Variants in CCDC68 observed in about 807,000 individuals in gnomAD.
CCDC68 encodes coiled-coil domain containing 68, also known as coiled-coil domain-containing protein 68.
A neutral mutation model predicts 47.1 loss-of-function variants in CCDC68; 45 were observed. That is an observed-to-expected ratio of 0.96 (90% CI 0.75 to 1.23). The LOEUF (loss-of-function observed/expected upper bound fraction) is 1.23, where lower values mean the gene tolerates loss of function less well. Among genes scored for constraint, CCDC68 ranks in the 50% most tolerant of loss-of-function variants. The pLI, the probability that CCDC68 is intolerant of heterozygous loss-of-function variation, is 0.00. For synonymous variants in CCDC68, 131 were observed against 129.5 expected (o/e 1.01, Z -0.08); for missense variants, 353 against 373.6 (o/e 0.94, Z 0.45).
intron 11 of CCDC68, among the ~76,000 whole-genome samples, chr18:54,906,620 T>C (rs964640931): frequency 4.6e-5 from 7 of 152,172 alleles, no homozygotes; most frequent in Non-Finnish European, 8.8e-5. Context: ...AGCAAAATAT[T>C]AGCCATCCTT....
intron 7 of CCDC68, among the ~76,000 whole-genome samples, chr18:54,932,163 T>C (rs1415615050): frequency 6.7e-6 from 1 of 150,340 alleles, no homozygotes; most frequent in African/African-American, 2.4e-5. Context: ...GTTTCACAAA[T>C]ATAAAATATT....
intron 8 of CCDC68, among the ~76,000 whole-genome samples, chr18:54,923,730 T>TA (rs781199211): frequency 2.1e-3 from 308 of 148,718 alleles, no homozygotes; most frequent in Middle Eastern, 3.4e-3. Flanking sequence ...TTTTTTTTTT[T>TA]AAACAAAGTC....
intron 1 of CCDC68, among the ~76,000 whole-genome samples, chr18:54,953,039 A>T (rs918552502): frequency 6.6e-6 from 1 of 152,142 alleles, no homozygotes; most frequent in Admixed American, 6.5e-5. Context: ...TGTATTACGG[A>T]TACACCCAAC....
In CCDC68 at chr18:54,942,725, A is replaced by G. The variant is rs2044459014; in HGVS notation, c.67T>C (p.Tyr23His). The G allele has an allele frequency of 6.2e-7, 1 of 1,612,758 alleles. No homozygotes were observed. Among genetic ancestry groups the G allele is most frequent in the East Asian group, 2.2e-5 (1 of 44,784 alleles). Residue 23 changes from tyrosine to histidine, a missense_variant, in exon 3 of 12, where the codon TAT (tyrosine) becomes CAT (histidine). Tyr to His is a moderately conservative substitution (Grantham distance 83). Transcript: ENST00000591504. Reference protein sequence around the residue: ...RDKMEDNSALYESTSAHIIEE... With the variant: ...RDKMEDNSALHESTSAHIIEE... ...ATAATGTGAGCGGACGTAGACTCAT[A>G]CAAGGCAGAATTATCTTCCATCTTA...
chr18:54,951,302 T>C (rs2044616815), intron 1 of CCDC68, among the ~76,000 whole-genome samples: 1 of 152,170 alleles, frequency 6.6e-6, no homozygotes, highest in African/African-American at 2.4e-5. Flanking sequence ...AATGTTCAGT[T>C]CAGCAACTAA....
At chr18:54,945,245 T>A (rs1033614072) in intron 2 of CCDC68, 143 bp downstream of exon 2, 16 of 152,196 alleles carry the variant, frequency 1.1e-4, no homozygotes. Flanking sequence ...CCTCTATGTA[T>A]TTTGGTTTTG....
At chr18:54,945,552 A>T (rs575684228) in intron 1 of CCDC68, 75 bp from the exon 2 acceptor site, 1 of 152,180 alleles carries the variant, frequency 6.6e-6, no homozygotes, top group Non-Finnish European at 1.5e-5. Context: ...AAAAAACACA[A>T]AGAATTTGCA....
intron 2 of CCDC68, among the ~76,000 whole-genome samples, chr18:54,943,739 G>A (rs1023939110): frequency 9.9e-4 from 151 of 152,100 alleles, no homozygotes; most frequent in African/African-American, 3.6e-3. Context: ...AACTGTGTTT[G>A]GTGTGTTTAT....
At chr18:54,945,128 A>C (rs2044503756) in intron 2 of CCDC68, among the ~76,000 whole-genome samples, 2 of 152,134 alleles carry the variant, frequency 1.3e-5, no homozygotes, top group Admixed American at 6.5e-5. Flanking sequence ...CTGCTTTAAA[A>C]CTCAAAGAGA....
At chr18:54,908,153 A>T (rs1374580619) in intron 10 of CCDC68, among the ~76,000 whole-genome samples, 1 of 152,228 alleles carries the variant, frequency 6.6e-6, no homozygotes, top group Non-Finnish European at 1.5e-5. Flanking sequence ...ACAGAGTTTT[A>T]AAAATACAGG....
chr18:54,945,013 T>C (rs2044502040), intron 2 of CCDC68, among the ~76,000 whole-genome samples: 1 of 152,196 alleles, frequency 6.6e-6, no homozygotes, highest in African/African-American at 2.4e-5. Flanking sequence ...TAAAGAATTG[T>C]TGTAATTTTG....
intron 8 of CCDC68, among the ~76,000 whole-genome samples, chr18:54,920,951 C>T (rs2044049383): frequency 6.6e-6 from 1 of 152,166 alleles, no homozygotes; most frequent in Admixed American, 6.5e-5. Flanking sequence ...ACCTAGGTGC[C>T]TATCAACAGT....
intron 7 of CCDC68, among the ~76,000 whole-genome samples, chr18:54,929,244 G>A (rs1024208015): frequency 6.6e-6 from 1 of 152,056 alleles, no homozygotes; most frequent in African/African-American, 2.4e-5. Flanking sequence ...CCTTACACCT[G>A]TTTCGCCTAC....
In CCDC68 at chr18:54,903,197, T is replaced by C. The variant is rs968644129; in HGVS notation, c.*1161A>G. The C allele has an allele frequency of 2.0e-5, 3 of 152,070 alleles. No homozygotes were observed. The highest frequency in any genetic ancestry group is 6.6e-5 in the Admixed American group (1 of 15,250). The allele number at this position is 152,070 out of a possible 1,614,324, so 9.4% of individuals were successfully genotyped here. The stretch of plus-strand genomic sequence containing the variant: ...ACATTCCATAATGAAAGAGTCAGCA[T>C]CTTTTCTGAGCAAATATTTAAAGTT... On this transcript the variant is annotated 3_prime_UTR_variant, in exon 12 of 12. Transcript: ENST00000591504.
intron 9 of CCDC68, among the ~76,000 whole-genome samples, 195 bp from the exon 10 acceptor site, chr18:54,918,191 T>C (rs2043989173): frequency 6.6e-6 from 1 of 152,194 alleles, no homozygotes; most frequent in Non-Finnish European, 1.5e-5. Flanking sequence ...CTGAAAGCCC[T>C]CAGCTGGTGC....
At position 54,912,302 on chromosome 18, in the gene CCDC68, A is replaced by C. The variant is rs536803626; in HGVS notation, c.874-4440T>G. Among the ~76,000 whole-genome samples the C allele has an allele frequency of 1.6e-4, 25 of 152,314 alleles. No individual in the cohort carries two copies. In the East Asian group the frequency reaches 4.8e-3, roughly 29 times the overall value. ...ATGATGAAAGATATGCAAAACCAGAAAGAAAGTAAATAATTTCGGTAGAGT... is the reference window on the plus strand; with the variant it reads ...ATGATGAAAGATATGCAAAACCAGACAGAAAGTAAATAATTTCGGTAGAGT... On this transcript the variant is annotated intron_variant, in intron 10 of 11. Transcript: ENST00000591504.
Position 54,907,818 on chromosome 18 carries a change from A to G in CCDC68, c.918T>C (p.Pro306=). Residue 306 remains proline, a synonymous_variant, in exon 11 of 12, where the codon CCT becomes CCC. Transcript: ENST00000591504. ...AGACAGCCTTAGATACCTTTGTCCT[A>G]GGAGTTTCAGATGAAAGTGCTACCT... is the stretch of plus-strand genomic sequence containing the variant. The part of the protein sequence containing the change: ...KTQVALSSET[P]RTKVSKAVST... 1 of 1,608,868 alleles carries G rather than the reference A, an allele frequency of 6.2e-7. No homozygotes were observed. The highest frequency in any genetic ancestry group is 8.5e-7 in the Non-Finnish European group (1 of 1,175,190).
intron 4 of CCDC68, among the ~76,000 whole-genome samples, chr18:54,938,824 T>C (rs1447609539): frequency 6.6e-6 from 1 of 152,256 alleles, no homozygotes; most frequent in Non-Finnish European, 1.5e-5. Context: ...ATTTCAAAAC[T>C]GAGAAATGAT....
At chr18:54,944,683 C>T (rs1423596401) in intron 2 of CCDC68, among the ~76,000 whole-genome samples, 6 of 152,070 alleles carry the variant, frequency 3.9e-5, no homozygotes, top group African/African-American at 1.4e-4. Flanking sequence ...TTCATAGCAA[C>T]CAAGTAGTTG....
Sources: allele counts gnomAD v4.1 joint callset (sites outside exome capture counted in the v4.1 genomes callset), GRCh38; gene constraint gnomAD v4.1.1; transcripts MANE v1.5; gene names NCBI Gene and HGNC (gene_info 2026-07-23, HGNC 2026-07-21).